The following IGFL2 variants were observed in gnomAD, a reference collection of about 807,000 sequenced individuals.
IGFL2 encodes insulin growth factor-like family member 2.
Under a neutral mutation model 13.9 loss-of-function variants are expected in IGFL2, and 7 were observed. That is an observed-to-expected ratio of 0.51 (90% CI 0.29 to 0.95). The LOEUF is 0.95. Among genes scored for constraint, IGFL2 ranks in the 40% least tolerant of loss-of-function variants. The pLI, the probability that IGFL2 is intolerant of heterozygous loss-of-function variation, is 0.08. For synonymous variants in IGFL2, 55 were observed against 55.8 expected (o/e 0.99, Z 0.07); for missense variants, 138 against 147.8 (o/e 0.93, Z 0.34).
the IGFL2 span, among the ~76,000 whole-genome samples, chr19:46,179,978 C>A: frequency 1.3e-5 from 2 of 151,984 alleles, no homozygotes; most frequent in African/African-American, 4.8e-5. Flanking sequence ...ATAGAGATTC[C>A]CCCAGGGTTT....
chr19:46,194,882 G>A, the IGFL2 span, among the ~76,000 whole-genome samples: 1 of 46,748 alleles, frequency 2.1e-5, no homozygotes, highest in African/African-American at 7.9e-5. Flanking sequence ...TTTTTTTTTG[G>A]TAGTGTTTTT....
At chr19:46,192,157 G>T in the IGFL2 span, among the ~76,000 whole-genome samples, 2 of 152,310 alleles carry the variant, frequency 1.3e-5, no homozygotes, top group Non-Finnish European at 2.9e-5. Context: ...GGCAGCAGGG[G>T]CTGGGGTGCA....
chr19:46,161,318 CTTTTTT>C (rs71175262), downstream of IGFL2: 15 of 239,064 alleles, frequency 6.3e-5, no homozygotes, highest in Admixed American at 1.1e-4. Context: ...CGTCTCCTTT[CTTTTTT>C]TTTTTTTTTT....
the IGFL2 span, among the ~76,000 whole-genome samples, chr19:46,101,865 A>T: frequency 6.6e-6 from 1 of 152,222 alleles, no homozygotes; most frequent in Non-Finnish European, 1.5e-5. Context: ...CCATGAAAAA[A>T]GCAGTTTCCA....
the IGFL2 span, among the ~76,000 whole-genome samples, chr19:46,117,997 A>G: frequency 6.6e-6 from 1 of 152,272 alleles, no homozygotes; most frequent in East Asian, 1.9e-4. Flanking sequence ...ACGTGGGGCT[A>G]ATAATCTACT....
chr19:46,080,034 C>T, the IGFL2 span, among the ~76,000 whole-genome samples: 16 of 152,152 alleles, frequency 1.1e-4, no homozygotes, highest in Non-Finnish European at 1.6e-4. Flanking sequence ...ATCCCTTCCT[C>T]GAGTTCAGGC....
the IGFL2 span, among the ~76,000 whole-genome samples, chr19:46,127,267 G>A: frequency 6.6e-6 from 1 of 152,130 alleles, no homozygotes. Context: ...GTACATGCCT[G>A]CAGTCCCAGC....
At chr19:46,098,900 C>G in the IGFL2 span, among the ~76,000 whole-genome samples, 297 of 152,270 alleles carry the variant, frequency 2.0e-3, 2 homozygotes, top group African/African-American at 6.9e-3. Flanking sequence ...CTAGTTGATG[C>G]AGTTTCTTCA....
At chr19:46,136,617 A>T in the IGFL2 span, 2 of 376,302 alleles carry the variant, frequency 5.3e-6, no homozygotes, top group African/African-American at 4.2e-5. Flanking sequence ...CATCTCAGTA[A>T]CAGGAGGCTG....
At chr19:46,211,766 GTC>G in the IGFL2 span, 2 of 152,088 alleles carry the variant, frequency 1.3e-5, no homozygotes, top group African/African-American at 4.8e-5. Context: ...CCCAGGCCTG[GTC>G]TCTCTGAGAA....
At chr19:46,089,200 C>T in the IGFL2 span, among the ~76,000 whole-genome samples, 1 of 152,000 alleles carries the variant, frequency 6.6e-6, no homozygotes, top group Non-Finnish European at 1.5e-5. Flanking sequence ...ACAAGAAAAC[C>T]TTATAGTTAT....
At chr19:46,121,400 A>AG in the IGFL2 span, among the ~76,000 whole-genome samples, 1 of 148,672 alleles carries the variant, frequency 6.7e-6, no homozygotes, top group Admixed American at 6.7e-5. Context: ...TCTTGAAAAA[A>AG]AAAAAAAAAG....
the IGFL2 span, chr19:46,124,689 A>G: frequency 4.4e-6 from 7 of 1,579,900 alleles, no homozygotes; most frequent in African/African-American, 2.8e-5. Flanking sequence ...GAAGAGTGGT[A>G]AAAGGCTGGA....
At chr19:46,176,140 A>G in the IGFL2 span, among the ~76,000 whole-genome samples, 4 of 146,092 alleles carry the variant, frequency 2.7e-5, no homozygotes, top group Admixed American at 2.8e-4. Context: ...GGCGTGAGCC[A>G]CCGTTCCCAG....
intron 1 of IGFL2, chr19:46,148,965 G>A: frequency 6.3e-7 from 1 of 1,584,294 alleles, no homozygotes. Context: ...GGAGTTCCTG[G>A]GCTCTCAGCG....
At chr19:46,149,918 TG>T (rs1293875090) in intron 1 of IGFL2, among the ~76,000 whole-genome samples, 4 of 152,226 alleles carry the variant, frequency 2.6e-5, no homozygotes, top group Non-Finnish European at 2.9e-5. Flanking sequence ...CTACGCCACA[TG>T]GTAATTCTGT....
At chr19:46,082,391 A>T in the IGFL2 span, among the ~76,000 whole-genome samples, 1 of 152,180 alleles carries the variant, frequency 6.6e-6, no homozygotes, top group Non-Finnish European at 1.5e-5. Flanking sequence ...AGAGACTGTA[A>T]TTCTCTTGAT....
chr19:46,124,394 C>T, the IGFL2 span: 1 of 1,480,244 alleles, frequency 6.8e-7, no homozygotes, highest in Non-Finnish European at 9.4e-7. Context: ...AACAAACAAA[C>T]AAACAGAGGT....
the IGFL2 span, among the ~76,000 whole-genome samples, chr19:46,194,887 G>GT: frequency 5.4e-5 from 3 of 55,710 alleles, no homozygotes; most frequent in African/African-American, 2.3e-4. Context: ...TTTTGGTAGT[G>GT]TTTTTTGTTT....
Sources: gnomAD v4.1 joint callset for allele counts (sites outside exome capture counted in the v4.1 genomes callset) on GRCh38, gnomAD v4.1.1 for gene constraint, MANE v1.5 for transcripts, NCBI Gene and HGNC (gene_info 2026-07-23, HGNC 2026-07-21) for gene names.